The following PARP4 variants were observed in gnomAD, a reference collection of about 807,000 sequenced individuals.
PARP4 encodes the protein poly(ADP-ribose) polymerase family member 4.
Under a neutral mutation model 187.7 loss-of-function variants are expected in PARP4, and 120 were observed. The ratio of observed to expected loss-of-function variants is 0.64; its 90% CI spans 0.55 to 0.74. The LOEUF is 0.74. Among genes scored for constraint, PARP4 ranks in the 30% least tolerant of loss-of-function variants. The pLI, the probability that PARP4 is intolerant of heterozygous loss-of-function variation, is 0.00. For missense variants in PARP4, 1,836 were observed against 2,070.5 expected (o/e 0.89, Z 2.20); for synonymous variants, 654 against 740.9 (o/e 0.88, Z 1.90).
intron 15 of PARP4, among the ~76,000 whole-genome samples, chr13:24,470,905 G>T (rs1255706039): frequency 6.6e-6 from 1 of 152,128 alleles, no homozygotes; most frequent in Admixed American, 6.5e-5. Context: ...CAGCAGGTCA[G>T]CACCGTCCTG....
At chr13:24,481,093 T>C (rs1329867843) in intron 12 of PARP4, among the ~76,000 whole-genome samples, 2 of 152,236 alleles carry the variant, frequency 1.3e-5, no homozygotes, top group Admixed American at 6.5e-5. Context: ...CCAAAAATCC[T>C]AGGGCCCTTA....
intron 15 of PARP4, among the ~76,000 whole-genome samples, chr13:24,473,620 G>A (rs1872832857): frequency 6.6e-6 from 1 of 152,128 alleles, no homozygotes; most frequent in South Asian, 2.1e-4. Context: ...CTTAAAATGA[G>A]AAAGAAAATA....
chr13:24,458,456 A>G (rs991078362), intron 20 of PARP4, among the ~76,000 whole-genome samples: 1 of 151,550 alleles, frequency 6.6e-6, no homozygotes, highest in African/African-American at 2.4e-5. Flanking sequence ...ACAGGCCTGT[A>G]GCCCTAGCTA....
Position 24,452,071 on chromosome 13 carries a change from G to T in PARP4, c.3014+335C>A, listed in dbSNP as rs1358642172. On this transcript the variant is annotated intron_variant, in intron 24 of 33. Transcript: ENST00000381989. ...TTATGCTAAATAATAACATCTAACT[G>T]ATTTGGTGCTTTTGGTTCAGTTCTG... 3 of 199,662 alleles carry T rather than the reference G, an allele frequency of 1.5e-5. No homozygotes were observed. The Admixed American group carries it at 1.8e-4, about 12-fold the overall frequency. The allele number at this position is 199,662 out of a possible 1,614,324, so 12.4% of individuals were successfully genotyped here. A position where few individuals can be genotyped will look rare whatever the true frequency, so the allele number is the denominator to read the frequency against.
At chr13:24,496,045 G>A (rs555922501) in intron 6 of PARP4, among the ~76,000 whole-genome samples, 59 of 150,858 alleles carry the variant, frequency 3.9e-4, no homozygotes, top group African/African-American at 1.2e-3. Flanking sequence ...ACGATGCTAC[G>A]GTTTTCTTTC....
rs139404140 is a variant in PARP4, at chr13:24,425,605, C to CTATATCTA, written c.4979+860_4979+861insTAGATATA. On this transcript the variant is annotated intron_variant, in intron 33 of 33. Transcript: ENST00000381989. ...TCTATATCTATATCTATATCTATAT[C>CTATATCTA]TATATATCTCAGAGGGATCCTACTC... Among the ~76,000 whole-genome samples, 3 of 146,912 alleles carry CTATATCTA rather than the reference C, an allele frequency of 2.0e-5. No individual in the cohort carries two copies. The Admixed American group carries it at 2.1e-4, about 10-fold the overall frequency.
chr13:24,447,318 C>A (rs1369238969), intron 25 of PARP4, 132 bp from the exon 26 acceptor site: 1 of 522,910 alleles, frequency 1.9e-6, no homozygotes, highest in Admixed American at 4.2e-5. Context: ...CTTCCTGCTA[C>A]AGGGTACTTT....
chr13:24,492,425 C>T lies in PARP4; in HGVS notation c.1049G>A (p.Cys350Tyr). The T allele has an allele frequency of 6.2e-7, 1 of 1,610,700 alleles. No homozygotes were observed. Among genetic ancestry groups the T allele is most frequent in the African/African-American group, 1.3e-5 (1 of 74,910 alleles). ...TTCTATATTTCAGAGGTTTACCTGG[C>T]AGAGGTCTGCTTTCTTAGCCAATAG... is the stretch of plus-strand genomic sequence containing the variant. ...LGLLAKKADL[C>Y]QLIRDMVNVC... The change falls in exon 9 of 34, where the codon TGC becomes TAC. Residue 350 changes from cysteine (C) to tyrosine (Y), a missense_variant. By Grantham distance (194) the Cys-to-Tyr change is radical (BLOSUM62 -2). This residue lies in a region of PARP4 where 1,147 missense variants were observed against 1,214.2 expected (regional missense o/e 0.94). Coordinates refer to ENST00000381989, the MANE Select transcript of PARP4 (RefSeq NM_006437.4).
chr13:24,511,818 A>G (rs1466690136), intron 1 of PARP4, among the ~76,000 whole-genome samples: 1 of 152,240 alleles, frequency 6.6e-6, no homozygotes. Context: ...AAGCCTTCTG[A>G]CACTATTTGC....
intron 30 of PARP4, 67 bp downstream of exon 30, chr13:24,441,779 A>T: frequency 6.9e-7 from 1 of 1,459,840 alleles, no homozygotes; most frequent in Non-Finnish European, 9.3e-7. Flanking sequence ...ATTTTAGCAA[A>T]GGGTTCCCTT....
chr13:24,448,871 G>A (rs551170319), intron 25 of PARP4, among the ~76,000 whole-genome samples: 2 of 152,260 alleles, frequency 1.3e-5, no homozygotes, highest in East Asian at 1.9e-4. Flanking sequence ...CAGACATAAA[G>A]GGACAATGTC....
chr13:24,431,461 G>GT lies in PARP4; in HGVS notation c.4761dup (p.Leu1588ThrfsTer12), dbSNP rs1427402663. On this transcript the variant is annotated frameshift_variant, in exon 32 of 34. Coordinates refer to ENST00000381989, the MANE Select transcript of PARP4 (RefSeq NM_006437.4). LOFTEE classifies it high-confidence loss of function. ...AATATAAGTCCCAGTTCTGGTGTAA[G>GT]TTTCCAGAAGCCATCCTACAAAATT... The GT allele has an allele frequency of 1.3e-6, 2 of 1,583,530 alleles. No homozygotes were observed. Among genetic ancestry groups the GT allele is most frequent in the Non-Finnish European group, 1.7e-6 (2 of 1,166,164 alleles).
Position 24,455,142 on chromosome 13 carries a change from A to G in PARP4, c.2633T>C (p.Ile878Thr). The G allele has an allele frequency of 6.2e-7, 1 of 1,613,032 alleles. No individual in the cohort carries two copies. The highest frequency in any genetic ancestry group is 8.5e-7 in the Non-Finnish European group (1 of 1,179,110). Residue 878 changes from isoleucine (I) to threonine (T), a missense_variant, in exon 22 of 34, where the codon ATT (isoleucine) becomes ACT (threonine). By Grantham distance (89) the Ile-to-Thr change is moderately conservative. Transcript: ENST00000381989. ...LPDLASESEV[I>T]ICLDCSSSME... is the part of the protein sequence containing the mutation. ...GGAACTGGAGCAGTCAAGACAAATA[A>G]TCACTTCGCTCTCACTGGCTAGGTC...
chr13:24,476,664 T>C (rs989416495), intron 14 of PARP4, among the ~76,000 whole-genome samples: 1 of 152,212 alleles, frequency 6.6e-6, no homozygotes, highest in Non-Finnish European at 1.5e-5. Flanking sequence ...GAGTCACCCC[T>C]GAACACACAT....
At chr13:24,486,390 G>A (rs1309896976) in intron 10 of PARP4, 85 bp from the exon 11 acceptor site, 1 of 829,150 alleles carries the variant, frequency 1.2e-6, no homozygotes, top group Non-Finnish European at 1.9e-6. Flanking sequence ...TCCCAAAAGA[G>A]TCCAAATGTC....
At chr13:24,422,458 T>G (rs1869792922) in intron 33 of PARP4, among the ~76,000 whole-genome samples, 1 of 152,212 alleles carries the variant, frequency 6.6e-6, no homozygotes, top group East Asian at 1.9e-4. Flanking sequence ...TTTTTACTGA[T>G]TGGCCTCTAC....
intron 32 of PARP4, among the ~76,000 whole-genome samples, chr13:24,428,585 G>A (rs1388319446): frequency 6.6e-6 from 1 of 152,126 alleles, no homozygotes; most frequent in Non-Finnish European, 1.5e-5. Context: ...GGGCTCAGGT[G>A]ATCCTCCCAC....
At chr13:24,458,133 G>A (rs1261589332) in intron 20 of PARP4, among the ~76,000 whole-genome samples, 1 of 143,666 alleles carries the variant, frequency 7.0e-6, no homozygotes, top group African/African-American at 2.6e-5. Flanking sequence ...TTTTTGAGAT[G>A]GAGTCTCGCT....
At chr13:24,441,478 T>C (rs1467802850) in intron 30 of PARP4, among the ~76,000 whole-genome samples, 2 of 152,294 alleles carry the variant, frequency 1.3e-5, no homozygotes, top group African/African-American at 2.4e-5. Context: ...TAAAGCACTA[T>C]AAACTTTAAG....
Sources: allele counts gnomAD v4.1 joint callset (sites outside exome capture counted in the v4.1 genomes callset), GRCh38; gene constraint gnomAD v4.1.1; regional missense constraint gnomAD v4.1.1; transcripts MANE v1.5; gene names NCBI Gene and HGNC (gene_info 2026-07-23, HGNC 2026-07-21).